Variants in PPM1H observed in about 807,000 individuals in gnomAD.
PPM1H encodes protein phosphatase 1H.
PPM1H carries 27 observed loss-of-function variants against 54.9 expected under a neutral mutation model. The ratio of observed to expected loss-of-function variants is 0.49; its 90% confidence interval spans 0.36 to 0.68. The LOEUF is 0.68. Among genes scored for constraint, PPM1H ranks in the 30% least tolerant of loss-of-function variants. The pLI is 0.00. For missense variants in PPM1H, 596 were observed against 667.8 expected, an observed-to-expected ratio of 0.89 and a Z score of 1.19; for synonymous variants, 305 against 270.8, an observed-to-expected ratio of 1.13 and a Z score of -1.24.
At position 62,667,210 on chromosome 12, in the gene PPM1H, A is replaced by C. The variant is rs529256169; in HGVS notation, c.1365T>G (p.Phe455Leu). ...GATCATCTGGATCACAGTTAGGAAG[A>C]AACTGAGTGATTGCTTCTGCTACTT... ...NEEVAEAITQFLPNCDPDDPH... is the reference protein window; with the variant it reads ...NEEVAEAITQLLPNCDPDDPH... Residue 455 changes from phenylalanine to leucine, a missense_variant, in exon 9 of 10, where the codon TTT (phenylalanine) becomes TTG (leucine). This residue lies in a region of PPM1H where 208 missense variants were observed against 259.5 expected (regional missense o/e 0.80). Transcript: ENST00000228705. 1 of 1,601,820 alleles carries C rather than the reference A, an allele frequency of 6.2e-7. No individual in the cohort carries two copies. The highest frequency in any genetic ancestry group is 1.1e-5 in the South Asian group (1 of 90,750).
intron 1 of PPM1H, among the ~76,000 whole-genome samples, chr12:62,845,128 A>T (rs887411270): frequency 1.8e-4 from 28 of 152,240 alleles, no homozygotes; most frequent in African/African-American, 6.8e-4. Flanking sequence ...TACAACATCA[A>T]AAGACTACTG....
intron 1 of PPM1H, among the ~76,000 whole-genome samples, chr12:62,923,865 T>G (rs776627248): frequency 6.6e-6 from 1 of 152,236 alleles, no homozygotes; most frequent in Non-Finnish European, 1.5e-5. Context: ...CCAAAGGGCA[T>G]TGGCAATCCT....
chr12:62,792,677 C>A (rs1592601490), intron 3 of PPM1H, among the ~76,000 whole-genome samples: 2 of 152,114 alleles, frequency 1.3e-5, no homozygotes, highest in African/African-American at 4.8e-5. Flanking sequence ...CTTCTAAAAC[C>A]GTGTGCAACT....
chr12:62,713,788 GC>G (rs1434678940), intron 6 of PPM1H, among the ~76,000 whole-genome samples: 1 of 152,000 alleles, frequency 6.6e-6, no homozygotes, highest in East Asian at 1.9e-4. Flanking sequence ...AGGCAACATG[GC>G]AAAACCCTGT....
intron 6 of PPM1H, among the ~76,000 whole-genome samples, chr12:62,714,973 C>T (rs2076227357): frequency 6.6e-6 from 1 of 152,220 alleles, no homozygotes; most frequent in Non-Finnish European, 1.5e-5. Flanking sequence ...ACACACATGT[C>T]CCTCTGGGTC....
At chr12:62,841,949 T>A (rs1463284949) in intron 1 of PPM1H, among the ~76,000 whole-genome samples, 1 of 152,196 alleles carries the variant, frequency 6.6e-6, no homozygotes, top group Non-Finnish European at 1.5e-5. Flanking sequence ...GTCATCTTTG[T>A]GTATTTCCTT....
intron 5 of PPM1H, among the ~76,000 whole-genome samples, chr12:62,730,015 G>C (rs1369374942): frequency 6.6e-6 from 1 of 151,894 alleles, no homozygotes; most frequent in East Asian, 1.9e-4. Flanking sequence ...TCCTTCTCCT[G>C]GCTCATCCTG....
chr12:62,770,778 G>A (rs988407533), intron 4 of PPM1H, among the ~76,000 whole-genome samples: 3 of 152,188 alleles, frequency 2.0e-5, no homozygotes, highest in Admixed American at 1.3e-4. Flanking sequence ...TGGATTGCAC[G>A]AATCCAATTT....
intron 4 of PPM1H, among the ~76,000 whole-genome samples, chr12:62,739,946 G>A (rs1485850336): frequency 1.3e-5 from 2 of 152,290 alleles, no homozygotes; most frequent in East Asian, 3.9e-4. Flanking sequence ...GCTCCTCTCT[G>A]TCACTTCCCA....
intron 1 of PPM1H, among the ~76,000 whole-genome samples, chr12:62,862,052 T>C (rs1177082007): frequency 6.6e-6 from 1 of 152,236 alleles, no homozygotes; most frequent in Non-Finnish European, 1.5e-5. Flanking sequence ...TGTGTTACCC[T>C]AAAGCCTTCT....
intron 2 of PPM1H, among the ~76,000 whole-genome samples, chr12:62,805,189 C>A (rs563962826): frequency 6.6e-6 from 1 of 152,042 alleles, no homozygotes; most frequent in South Asian, 2.1e-4. Context: ...CTGTTAGGAT[C>A]GCTATTATCA....
intron 4 of PPM1H, among the ~76,000 whole-genome samples, chr12:62,770,945 C>T (rs1462186934): frequency 6.6e-6 from 1 of 151,966 alleles, no homozygotes; most frequent in Non-Finnish European, 1.5e-5. Flanking sequence ...TCAGGGCAGG[C>T]TCCAGGCCCA....
chr12:62,807,096 C>G (rs917400925), intron 2 of PPM1H, among the ~76,000 whole-genome samples: 3 of 152,176 alleles, frequency 2.0e-5, no homozygotes, highest in Non-Finnish European at 4.4e-5. Context: ...GCATGATGCA[C>G]GAGCATAGAC....
intron 4 of PPM1H, among the ~76,000 whole-genome samples, chr12:62,738,836 C>A (rs1404070930): frequency 1.3e-5 from 2 of 151,974 alleles, no homozygotes; most frequent in Non-Finnish European, 2.9e-5. Context: ...TGCCAAGAAG[C>A]CTCTGGGCAT....
chr12:62,811,891 A>C (rs1388548379), intron 2 of PPM1H, among the ~76,000 whole-genome samples: 1 of 152,214 alleles, frequency 6.6e-6, no homozygotes, highest in African/African-American at 2.4e-5. Context: ...GTGAGAATAA[A>C]CTAATACAAA....
rs554881188 is a variant in PPM1H, at chr12:62,647,152, G to A, written c.*1337C>T. On this transcript the variant is annotated 3_prime_UTR_variant, in exon 10 of 10. Coordinates refer to ENST00000228705, the MANE Select transcript of PPM1H (RefSeq NM_020700.2). ...CAGCAGAGAAGCAGCAGGTAGATATGGCATGCACTGTGCCTGCTGCTGCTG... is the reference window on the plus strand; with the variant it reads ...CAGCAGAGAAGCAGCAGGTAGATATAGCATGCACTGTGCCTGCTGCTGCTG... 1 of 152,356 alleles carries A rather than the reference G, an allele frequency of 6.6e-6. No individual in the cohort carries two copies. The highest frequency in any genetic ancestry group is 1.9e-4 in the East Asian group (1 of 5,178). 9.4% of individuals were successfully genotyped at this position (152,356 alleles called of 1,614,324 possible).
intron 8 of PPM1H, among the ~76,000 whole-genome samples, chr12:62,673,649 T>C (rs1219376541): frequency 6.6e-6 from 1 of 151,156 alleles, no homozygotes; most frequent in African/African-American, 2.4e-5. Context: ...AGGCTTGCCC[T>C]TGTTATCAGA....
At chr12:62,703,663 G>A (rs2076156845) in intron 6 of PPM1H, among the ~76,000 whole-genome samples, 1 of 152,048 alleles carries the variant, frequency 6.6e-6, no homozygotes, top group Admixed American at 6.6e-5. Context: ...TAAGCCTGGA[G>A]CCCAAATGCT....
intron 4 of PPM1H, among the ~76,000 whole-genome samples, chr12:62,771,089 A>ACACACAT: frequency 1.3e-5 from 1 of 78,426 alleles, no homozygotes; most frequent in East Asian, 3.5e-4. Context: ...CACACACACA[A>ACACACAT]CTGTGTTTTT....
Sources: allele counts gnomAD v4.1 joint callset (sites outside exome capture counted in the v4.1 genomes callset), GRCh38; gene constraint gnomAD v4.1.1; regional missense constraint gnomAD v4.1.1; transcripts MANE v1.5; gene names NCBI Gene and HGNC (gene_info 2026-07-23, HGNC 2026-07-21).